The following CERT1 variants were observed in gnomAD, a reference collection of about 807,000 sequenced individuals.
CERT1 encodes the protein ceramide transporter 1, also known as ceramide transfer protein.
In CERT1, 31 loss-of-function variants were observed where a neutral mutation model predicts 87.9. The observed-to-expected ratio is 0.35, with a 90% CI of 0.27 to 0.48. The LOEUF is 0.48. CERT1 is among the 20% of genes least tolerant of loss of function. CERT1 has a pLI of 0.99. For synonymous variants in CERT1, 289 were observed against 250.9 expected (o/e 1.15, Z -1.44); for missense variants, 487 against 758.0 (o/e 0.64, Z 4.20).
chr5:75,509,759 T>C (rs1315143901), intron 1 of CERT1, among the ~76,000 whole-genome samples: 1 of 152,186 alleles, frequency 6.6e-6, no homozygotes, highest in Non-Finnish European at 1.5e-5. Context: ...CCAAAATCAC[T>C]GAGAAGCAAG....
chr5:75,386,861 C>G (rs1224894292), intron 12 of CERT1, among the ~76,000 whole-genome samples: 1 of 152,054 alleles, frequency 6.6e-6, no homozygotes, highest in Non-Finnish European at 1.5e-5. Flanking sequence ...CTAGTAAGCT[C>G]TTTACTATTC....
At chr5:75,404,537 G>A (rs950505074) in intron 8 of CERT1, among the ~76,000 whole-genome samples, 1 of 152,066 alleles carries the variant, frequency 6.6e-6, no homozygotes, top group Non-Finnish European at 1.5e-5. Flanking sequence ...GTTGATCAGA[G>A]AAAACACAAA....
chr5:75,449,274 T>C (rs1441864948), intron 3 of CERT1, among the ~76,000 whole-genome samples: 1 of 152,080 alleles, frequency 6.6e-6, no homozygotes, highest in Non-Finnish European at 1.5e-5. Context: ...AAGTTATGAA[T>C]AAACAGGAAT....
upstream of CERT1, chr5:75,511,842 C>T (rs766263855): frequency 6.5e-7 from 1 of 1,547,018 alleles, no homozygotes; most frequent in African/African-American, 1.4e-5. Context: ...AGCTGTGCTG[C>T]ATTCTGGGAA....
Position 75,400,205 on chromosome 5 carries a change from C to T in CERT1, c.1110G>A (p.Lys370=). 6.2e-7 allele frequency: 1 copy of T among 1,600,386 alleles called. No homozygotes were observed. Among genetic ancestry groups the T allele is most frequent in the Non-Finnish European group, 8.6e-7 (1 of 1,167,920 alleles). The change falls in exon 10 of 17, where the codon AAG becomes AAA. Residue 370 remains lysine, a splice_region_variant and synonymous_variant. Transcript: ENST00000643780. ...TTAGTAAACTCTGACATTAGCTTAC[C>T]TTTTGGACAAATCTATGTGTCCCCA... ...SSVGTHRFVQ[K]PYSRSSSMSS... is the part of the protein sequence containing the mutation.
chr5:75,432,055 C>A (rs112087285), intron 3 of CERT1, among the ~76,000 whole-genome samples: 81 of 150,762 alleles, frequency 5.4e-4, no homozygotes, highest in East Asian at 1.2e-3. Context: ...CATTCCCCCC[C>A]CCTTTTTTTT....
intron 2 of CERT1, among the ~76,000 whole-genome samples, chr5:75,495,115 A>C (rs1766995993): frequency 6.6e-6 from 1 of 152,228 alleles, no homozygotes; most frequent in South Asian, 2.1e-4. Flanking sequence ...CGTATAATTA[A>C]TTTATAAGTA....
intron 16 of CERT1, among the ~76,000 whole-genome samples, chr5:75,380,257 A>ATTCC (rs1761507469): frequency 2.0e-5 from 3 of 152,200 alleles, no homozygotes; most frequent in Admixed American, 2.0e-4. Context: ...AATATATGTA[A>ATTCC]CTAGCAACTA....
intron 3 of CERT1, among the ~76,000 whole-genome samples, chr5:75,432,057 CTTT>C (rs578175246): frequency 7.0e-6 from 1 of 143,312 alleles, no homozygotes; most frequent in African/African-American, 2.6e-5. Flanking sequence ...TTCCCCCCCC[CTTT>C]TTTTTTTTTG....
chr5:75,392,438 T>G (rs182031892), intron 11 of CERT1, among the ~76,000 whole-genome samples: 151 of 152,286 alleles, frequency 9.9e-4, no homozygotes, highest in Middle Eastern at 3.4e-3. Context: ...TCTGCAAAAC[T>G]TTCATCATGG....
At chr5:75,373,698 G>C (rs1761165834), downstream of CERT1, 1 of 167,800 alleles carries the variant, frequency 6.0e-6, no homozygotes, top group Non-Finnish European at 1.3e-5. Context: ...AAAAATTCTG[G>C]ACACAGATTT....
intron 9 of CERT1, 163 bp from the exon 10 acceptor site, chr5:75,400,460 T>C (rs781423618): frequency 7.4e-6 from 4 of 538,508 alleles, no homozygotes; most frequent in African/African-American, 1.9e-5. Flanking sequence ...CAAATCCTGA[T>C]ACTTGCCTCA....
At chr5:75,447,471 TTTA>T (rs1764595748) in intron 3 of CERT1, among the ~76,000 whole-genome samples, 4 of 151,230 alleles carry the variant, frequency 2.6e-5, no homozygotes, top group African/African-American at 9.7e-5. Flanking sequence ...TATTTATTTA[TTTA>T]TTTTTTATTT....
chr5:75,444,696 G>A (rs1209521379), intron 3 of CERT1, among the ~76,000 whole-genome samples: 4 of 151,506 alleles, frequency 2.6e-5, no homozygotes, highest in Admixed American at 2.0e-4. Context: ...ACAGGCCCAC[G>A]TGACCATGCC....
intron 3 of CERT1, among the ~76,000 whole-genome samples, chr5:75,442,772 T>C (rs1029232340): frequency 2.0e-5 from 3 of 151,150 alleles, no homozygotes; most frequent in African/African-American, 7.3e-5. Flanking sequence ...GAGGGGGAAA[T>C]AGGGGGAGAG....
chr5:75,408,788 A>C (rs1214190046), intron 8 of CERT1, among the ~76,000 whole-genome samples: 1 of 152,218 alleles, frequency 6.6e-6, no homozygotes, highest in Non-Finnish European at 1.5e-5. Flanking sequence ...AAATAAAAAA[A>C]AAAGAAACAT....
At chr5:75,484,957 A>G (rs1049561348) in intron 2 of CERT1, among the ~76,000 whole-genome samples, 3 of 152,266 alleles carry the variant, frequency 2.0e-5, no homozygotes, top group African/African-American at 7.2e-5. Context: ...AGGCCAGACC[A>G]TATGTTAGGC....
At chr5:75,436,199 A>AT (rs1425483669) in intron 3 of CERT1, among the ~76,000 whole-genome samples, 3 of 151,774 alleles carry the variant, frequency 2.0e-5, no homozygotes, top group East Asian at 1.9e-4. Flanking sequence ...TGCCTGGCTA[A>AT]TTTTTTTGTA....
rs147515705 is a variant in CERT1, at chr5:75,494,275, G to A, written c.231+11707C>T. Among the ~76,000 whole-genome samples, 215 of 152,252 alleles carry A rather than the reference G, an allele frequency of 1.4e-3. 1 individual carries two copies. The highest frequency in any genetic ancestry group is 4.3e-3 in the African/African-American group (179 of 41,542). On this transcript the variant is annotated intron_variant, in intron 2 of 16. Transcript: ENST00000643780. ...GCTACTTTGCTAGGGAAGCTATATT[G>A]TTATCTTTAGGTCAAAACTTTTACG...
Sources: allele counts gnomAD v4.1 joint callset (sites outside exome capture counted in the v4.1 genomes callset), GRCh38; gene constraint gnomAD v4.1.1; transcripts MANE v1.5; gene names NCBI Gene and HGNC (gene_info 2026-07-23, HGNC 2026-07-21).